Variants in RUFY1 observed in about 807,000 individuals in gnomAD.
The protein encoded by RUFY1 is RUN and FYVE domain containing 1, also known as RUN and FYVE domain-containing protein 1.
A neutral mutation model predicts 94.6 loss-of-function variants in RUFY1; 54 were observed. The ratio of observed to expected loss-of-function variants is 0.57; its 90% confidence interval spans 0.46 to 0.72. RUFY1 has a LOEUF of 0.72. RUFY1 is among the 30% of genes least tolerant of loss of function. RUFY1 has a pLI of 0.00. For missense variants in RUFY1, 883 were observed against 883.9 expected, an observed-to-expected ratio of 1.00 and a Z score of 0.01; for synonymous variants, 396 against 347.3, an observed-to-expected ratio of 1.14 and a Z score of -1.56.
At position 179,562,662 on chromosome 5, in the gene RUFY1, A is replaced by G; in HGVS notation, c.600A>G (p.Leu200=). ...IATSVRNLPE[L]KTAVGRGRAW... ...CTAGTGTCAGAAATCTTCCAGAATT[A>G]AAGTGAGTGAGAAGTAGTTCTGCCA... The change falls in exon 3 of 18, where the codon TTA becomes TTG. Residue 200 remains leucine, a splice_region_variant and synonymous_variant. Transcript: ENST00000319449. 6.8e-7 allele frequency: 1 copy of G among 1,475,478 alleles called. No homozygotes were observed. The highest frequency in any genetic ancestry group is 9.5e-7 in the Non-Finnish European group (1 of 1,055,334). The allele number at this position is 1,475,478 out of a possible 1,614,324, so 91.4% of individuals were successfully genotyped here. A position where few individuals can be genotyped will look rare whatever the true frequency, so the allele number is the denominator to read the frequency against.
intron 1 of RUFY1, among the ~76,000 whole-genome samples, chr5:179,552,892 A>G (rs756740168): frequency 6.6e-6 from 1 of 152,234 alleles, no homozygotes; most frequent in Non-Finnish European, 1.5e-5. Context: ...TTGTCCTTCA[A>G]AGGTGCCAGG....
chr5:179,578,511 G>A (rs575496773), intron 6 of RUFY1, among the ~76,000 whole-genome samples: 2 of 143,962 alleles, frequency 1.4e-5, no homozygotes, highest in Non-Finnish European at 1.5e-5. Context: ...GAGCCACCGC[G>A]CCCAGTCTAG....
intron 13 of RUFY1, chr5:179,598,105 G>C (rs889052387): frequency 6.5e-6 from 1 of 152,840 alleles, no homozygotes; most frequent in Non-Finnish European, 1.5e-5. Flanking sequence ...CAGGAGACTA[G>C]CTTGAACCCA....
intron 5 of RUFY1, among the ~76,000 whole-genome samples, chr5:179,576,451 C>T (rs1293230863): frequency 1.3e-5 from 2 of 152,074 alleles, no homozygotes; most frequent in African/African-American, 2.4e-5. Context: ...GATGAAGTCT[C>T]GCTCTGTTGC....
intron 10 of RUFY1, among the ~76,000 whole-genome samples, chr5:179,592,982 C>T (rs577339156): frequency 1.3e-4 from 20 of 152,308 alleles, no homozygotes; most frequent in Admixed American, 1.0e-3. Context: ...CAGCTTTAAC[C>T]GTGCAGTGAG....
At chr5:179,601,854 ATCC>A in intron 14 of RUFY1, 35 bp from the exon 15 acceptor site, 2 of 1,286,834 alleles carry the variant, frequency 1.6e-6, no homozygotes, top group Non-Finnish European at 1.1e-6. Context: ...GGACCGTGTA[ATCC>A]TCTGTCCAGC....
chr5:179,557,988 G>A (rs992663441), intron 1 of RUFY1, among the ~76,000 whole-genome samples: 1 of 152,126 alleles, frequency 6.6e-6, no homozygotes, highest in Admixed American at 6.6e-5. Context: ...GAGAAAGAGT[G>A]CCTGTGAAAC....
chr5:179,562,592 T>C lies in RUFY1; in HGVS notation c.530T>C (p.Leu177Ser). ...IGQNKSFFGP[L>S]ELVEKLCPEA... ...CAAAATAAATCATTCTTTGGTCCTT[T>C]GGAGCTGGTGGAGAAACTTTGTCCA... Residue 177 changes from leucine (L) to serine (S), a missense_variant, in exon 3 of 18, where the codon TTG becomes TCG. Leu to Ser is a moderately radical substitution (Grantham distance 145). Coordinates refer to ENST00000319449, the MANE Select transcript of RUFY1 (RefSeq NM_025158.5). The C allele has an allele frequency of 6.2e-7, 1 of 1,611,992 alleles. No homozygotes were observed. Among genetic ancestry groups the C allele is most frequent in the Non-Finnish European group, 8.5e-7 (1 of 1,178,072 alleles).
chr5:179,565,003 AG>A (rs1554115427), intron 3 of RUFY1, among the ~76,000 whole-genome samples: 1 of 71,664 alleles, frequency 1.4e-5, no homozygotes, highest in East Asian at 2.5e-3. Flanking sequence ...TTGTAAAAAG[AG>A]AGAGAAAAAT....
In RUFY1 at chr5:179,567,508, A is replaced by G. The variant is rs1237673414; in HGVS notation, c.650A>G (p.Gln217Arg). Residue 217 changes from glutamine to arginine, a missense_variant, in exon 4 of 18, where the codon CAA becomes CGA. Gln to Arg is a conservative substitution (Grantham distance 43, BLOSUM62 1). Transcript: ENST00000319449. ...GRAWLYLALM[Q>R]KKLADYLKVL... Reference sequence around the variant, plus strand: ...GCGTGGCTTTATCTTGCACTCATGCAAAAGAAACTGGCAGATTATCTGAAA... The same window carrying G: ...GCGTGGCTTTATCTTGCACTCATGCGAAAGAAACTGGCAGATTATCTGAAA... The G allele has an allele frequency of 5.0e-6, 8 of 1,614,040 alleles. No homozygotes were observed. The highest frequency in any genetic ancestry group is 2.7e-5 in the African/African-American group (2 of 74,944).
At chr5:179,583,411 A>AATAT (rs10541437) in intron 7 of RUFY1, among the ~76,000 whole-genome samples, 2,100 of 143,936 alleles carry the variant, frequency 0.015, 21 homozygotes, top group Admixed American at 0.038. Flanking sequence ...TTCTCATATA[A>AATAT]ATATATATAT....
intron 9 of RUFY1, among the ~76,000 whole-genome samples, chr5:179,591,178 CTTTTTTTTGT>C (rs1174586828): frequency 1.3e-5 from 2 of 150,492 alleles, no homozygotes; most frequent in Admixed American, 1.3e-4. Flanking sequence ...TCTCATTCTT[CTTTTTTTTGT>C]TTTTTTTTGG....
intron 5 of RUFY1, among the ~76,000 whole-genome samples, chr5:179,576,660 A>G (rs1379153275): frequency 6.6e-6 from 1 of 152,154 alleles, no homozygotes; most frequent in Non-Finnish European, 1.5e-5. Flanking sequence ...ACCTCAGGCA[A>G]TCCACCAGCC....
chr5:179,598,888 G>A, intron 14 of RUFY1, 67 bp downstream of exon 14: 1 of 1,579,934 alleles, frequency 6.3e-7, no homozygotes, highest in Non-Finnish European at 8.6e-7. Context: ...CATGCTCCGG[G>A]CAGGCTCCTC....
chr5:179,558,699 T>C (rs1762233105), intron 1 of RUFY1, among the ~76,000 whole-genome samples: 1 of 152,186 alleles, frequency 6.6e-6, no homozygotes, highest in Non-Finnish European at 1.5e-5. Flanking sequence ...CCCTACCTTC[T>C]TGGGTTTTGC....
In RUFY1 at chr5:179,609,583, G is replaced by T. The variant is rs1388475611; in HGVS notation, c.*64G>T. 4.9e-6 allele frequency: 7 copies of T among 1,415,414 alleles called. No homozygotes were observed. Among genetic ancestry groups the T allele is most frequent in the Non-Finnish European group, 6.6e-6 (7 of 1,063,846 alleles). The allele number at this position is 1,415,414 out of a possible 1,614,324, so 87.7% of individuals were successfully genotyped here. ...AAACCCTGTGGGTCTCCAGGGGCTT[G>T]GGAAATGTGTTCTTTCCCAAGAGTA... On this transcript the variant is annotated 3_prime_UTR_variant, in exon 18 of 18. Coordinates refer to ENST00000319449, the MANE Select transcript of RUFY1 (RefSeq NM_025158.5).
intron 17 of RUFY1, 152 bp from the exon 18 acceptor site, chr5:179,609,224 A>T: frequency 1.5e-6 from 1 of 648,322 alleles, no homozygotes; most frequent in Non-Finnish European, 2.5e-6. Flanking sequence ...AAAAAAAAAA[A>T]AGACCCTTGT....
intron 7 of RUFY1, among the ~76,000 whole-genome samples, chr5:179,584,717 A>G (rs1449905246): frequency 6.6e-6 from 1 of 152,178 alleles, no homozygotes; most frequent in Admixed American, 6.6e-5. Context: ...AGCCATGATC[A>G]CACCACTGCA....
intron 16 of RUFY1, chr5:179,607,289 T>G: frequency 2.3e-6 from 1 of 438,272 alleles, no homozygotes; most frequent in Non-Finnish European, 4.2e-6. Context: ...AGGGAACTGA[T>G]TGAAAGTGGG....
Sources: gnomAD v4.1 joint callset for allele counts (sites outside exome capture counted in the v4.1 genomes callset) on GRCh38, gnomAD v4.1.1 for gene constraint, MANE v1.5 for transcripts, NCBI Gene and HGNC (gene_info 2026-07-23, HGNC 2026-07-21) for gene names.